Variants in FUT9 observed in about 807,000 individuals in gnomAD.
FUT9 encodes the protein fucosyltransferase 9, also known as 4-galactosyl-N-acetylglucosaminide 3-alpha-L-fucosyltransferase 9.
Under a neutral mutation model 29.7 loss-of-function variants are expected in FUT9, and 15 were observed. The observed-to-expected ratio is 0.51, with a 90% confidence interval of 0.34 to 0.78. The LOEUF is 0.78. Among genes scored for constraint, FUT9 ranks in the 30% least tolerant of loss-of-function variants. FUT9 has a pLI of 0.01. For synonymous variants in FUT9, 169 were observed against 153.7 expected (o/e 1.10, Z -0.74); for missense variants, 319 against 425.4 (o/e 0.75, Z 2.20).
chr6:96,200,718 C>T (rs1007544518), intron 2 of FUT9, among the ~76,000 whole-genome samples: 1 of 152,070 alleles, frequency 6.6e-6, no homozygotes, highest in African/African-American at 2.4e-5. Flanking sequence ...AGGAAGAAAA[C>T]ACTGCAACAG....
chr6:96,103,366 C>T (rs1422658791), intron 1 of FUT9, among the ~76,000 whole-genome samples: 3 of 152,102 alleles, frequency 2.0e-5, no homozygotes, highest in Admixed American at 6.5e-5. Context: ...AGCATCCCAC[C>T]GTTACCTCAA....
chr6:96,115,016 C>A (rs886222916), intron 2 of FUT9, among the ~76,000 whole-genome samples: 6 of 152,154 alleles, frequency 3.9e-5, no homozygotes, highest in African/African-American at 1.2e-4. Context: ...ACTTGTTTTG[C>A]TGAAGCTCCT....
At chr6:96,131,118 T>C (rs1437441803) in intron 2 of FUT9, among the ~76,000 whole-genome samples, 1 of 152,108 alleles carries the variant, frequency 6.6e-6, no homozygotes. Context: ...GCTAGCATTA[T>C]TTTTTCTTCT....
chr6:96,038,952 C>A (rs1770408226), intron 1 of FUT9, among the ~76,000 whole-genome samples: 1 of 152,074 alleles, frequency 6.6e-6, no homozygotes, highest in African/African-American at 2.4e-5. Context: ...GTCACCTCTT[C>A]CAGGAAAACT....
At chr6:96,076,885 T>A (rs1440161615) in intron 1 of FUT9, among the ~76,000 whole-genome samples, 1 of 152,186 alleles carries the variant, frequency 6.6e-6, no homozygotes, top group Non-Finnish European at 1.5e-5. Flanking sequence ...ATATATCAGA[T>A]AAACAAATAG....
Position 96,204,879 on chromosome 6 carries a change from A to G in FUT9, c.*644A>G, listed in dbSNP as rs1773798718. ...ATTTTCATTAAGCTGATTTGCAGCT[A>G]CTTATTCTCATGGTCTTAAATTAAA... is the stretch of plus-strand genomic sequence containing the variant. On this transcript the variant is annotated 3_prime_UTR_variant, in exon 3 of 3. Transcript: ENST00000302103. The G allele has an allele frequency of 1.2e-5, 2 of 165,100 alleles. No homozygotes were observed. Among genetic ancestry groups the G allele is most frequent in the Non-Finnish European group, 2.9e-5 (2 of 68,070 alleles). 10.2% of individuals were successfully genotyped at this position (165,100 alleles called of 1,614,324 possible). A position where few individuals can be genotyped will look rare whatever the true frequency, so the allele number is the denominator to read the frequency against.
chr6:96,135,090 C>A (rs773458011), intron 2 of FUT9, among the ~76,000 whole-genome samples: 8 of 151,808 alleles, frequency 5.3e-5, no homozygotes, highest in Non-Finnish European at 1.0e-4. Context: ...GAAAATTACT[C>A]TTTCAATGAC....
At chr6:96,054,647 A>T (rs1197832391) in intron 1 of FUT9, among the ~76,000 whole-genome samples, 1 of 152,224 alleles carries the variant, frequency 6.6e-6, no homozygotes, top group East Asian at 1.9e-4. Context: ...ATGTGAAACA[A>T]TCCAGCATAC....
intron 1 of FUT9, among the ~76,000 whole-genome samples, chr6:96,041,264 A>G (rs2127932689): frequency 6.6e-6 from 1 of 152,122 alleles, no homozygotes; most frequent in East Asian, 1.9e-4. Flanking sequence ...TATATATTGA[A>G]TTCTTATTTA....
chr6:96,152,158 T>G (rs1464474767), intron 2 of FUT9, among the ~76,000 whole-genome samples: 1 of 152,222 alleles, frequency 6.6e-6, no homozygotes, highest in Non-Finnish European at 1.5e-5. Flanking sequence ...TACCCAGGAT[T>G]CTGTCTTTGA....
intron 1 of FUT9, among the ~76,000 whole-genome samples, chr6:96,103,721 G>C (rs1390558441): frequency 1.3e-5 from 2 of 152,046 alleles, no homozygotes; most frequent in Non-Finnish European, 2.9e-5. Context: ...TGGATTTAGG[G>C]CCTAACCCTG....
At chr6:96,170,655 T>C (rs772028290) in intron 2 of FUT9, among the ~76,000 whole-genome samples, 6 of 152,142 alleles carry the variant, frequency 3.9e-5, no homozygotes, top group Non-Finnish European at 8.8e-5. Context: ...ATGGTTTTCC[T>C]ATGATATCTT....
At chr6:96,137,219 G>A (rs1310721340) in intron 2 of FUT9, among the ~76,000 whole-genome samples, 1 of 151,862 alleles carries the variant, frequency 6.6e-6, no homozygotes, top group African/African-American at 2.4e-5. Flanking sequence ...AAAAATATGA[G>A]CCAACCAAAA....
At chr6:96,183,411 CT>C (rs1181668189) in intron 2 of FUT9, among the ~76,000 whole-genome samples, 3 of 151,970 alleles carry the variant, frequency 2.0e-5, no homozygotes, top group African/African-American at 7.2e-5. Flanking sequence ...GTTGGACTTC[CT>C]CTTTATCTAT....
Position 96,164,253 on chromosome 6 carries a change from CTTTT to C in FUT9, c.-8-38877_-8-38874del, listed in dbSNP as rs57049980. ...ATAAACAGTTTTGGAGATCCAGGTT[CTTTT>C]TTTTTTTTTTTTTTTTTGAGACGGA... On this transcript the variant is annotated intron_variant, in intron 2 of 2. Coordinates refer to ENST00000302103, the MANE Select transcript of FUT9 (RefSeq NM_006581.4). Among the ~76,000 whole-genome samples, 5 of 105,784 alleles carry C rather than the reference CTTTT, an allele frequency of 4.7e-5. 1 individual carries two copies. Among genetic ancestry groups the C allele is most frequent in the Admixed American group, 1.2e-4 (1 of 8,226 alleles). 69.4% of individuals were successfully genotyped at this position (105,784 alleles called of 152,430 possible).
chr6:96,144,756 TA>T (rs1339655718), intron 2 of FUT9, among the ~76,000 whole-genome samples: 1 of 152,208 alleles, frequency 6.6e-6, no homozygotes, highest in Non-Finnish European at 1.5e-5. Flanking sequence ...ATAATTGCTC[TA>T]AGAATAGATA....
Position 96,205,877 on chromosome 6 carries a change from C to G in FUT9, c.*1642C>G, listed in dbSNP as rs149940163. ...ATCTTGTGAGAGAATAAGCTCACCC[C>G]AGCACCAGAAAGATTTGAGCAGAGG... On this transcript the variant is annotated 3_prime_UTR_variant, in exon 3 of 3. Coordinates refer to ENST00000302103, the MANE Select transcript of FUT9 (RefSeq NM_006581.4). 1 of 166,922 alleles carries G rather than the reference C, an allele frequency of 6.0e-6. No individual in the cohort carries two copies. The highest frequency in any genetic ancestry group is 2.4e-5 in the African/African-American group (1 of 41,400). 10.3% of individuals were successfully genotyped at this position (166,922 alleles called of 1,614,324 possible).
intron 1 of FUT9, among the ~76,000 whole-genome samples, chr6:96,032,869 C>A (rs1490203374): frequency 6.6e-6 from 1 of 151,576 alleles, no homozygotes; most frequent in Non-Finnish European, 1.5e-5. Context: ...AGATAATATG[C>A]TTTTATTCCT....
intron 1 of FUT9, among the ~76,000 whole-genome samples, chr6:96,019,359 G>A (rs892329303): frequency 1.3e-5 from 2 of 151,800 alleles, no homozygotes; most frequent in African/African-American, 4.8e-5. Flanking sequence ...TTTCATTGCG[G>A]TGGATGTATT....
Sources: allele counts gnomAD v4.1 joint callset (sites outside exome capture counted in the v4.1 genomes callset), GRCh38; gene constraint gnomAD v4.1.1; transcripts MANE v1.5; gene names NCBI Gene and HGNC (gene_info 2026-07-23, HGNC 2026-07-21).